ADARB2: variants seen among roughly 807,000 people sequenced by gnomAD.
ADARB2 encodes the protein adenosine deaminase RNA specific B2 (inactive).
In ADARB2, 25 loss-of-function variants were observed where a neutral mutation model predicts 62.2. That is an observed-to-expected ratio of 0.40 (90% CI 0.29 to 0.56). The LOEUF (loss-of-function observed/expected upper bound fraction) is 0.56. ADARB2 is among the 20% of genes least tolerant of loss of function. The pLI is 0.43. For synonymous variants in ADARB2, 572 were observed against 500.8 expected, an observed-to-expected ratio of 1.14 and a Z score of -1.90; for missense variants, 1,071 against 1,077.4, an observed-to-expected ratio of 0.99 and a Z score of 0.08.
rs1589187448 is a variant in ADARB2, at chr10:1,306,954, C to T, written c.1078-35885G>A. ...ATTCAAGATGGATTAAAGACTTAAA[C>T]GTTAGACCTAAAACCATAAAAACCC... On this transcript the variant is annotated intron_variant, in intron 3 of 9. Transcript: ENST00000381312. Among the ~76,000 whole-genome samples, 9 of 130,676 alleles carry T rather than the reference C, an allele frequency of 6.9e-5. No homozygotes were observed. The South Asian group carries it at 2.0e-3, about 29-fold the overall frequency. 85.7% of individuals were successfully genotyped at this position (130,676 alleles called of 152,430 possible). A position where few individuals can be genotyped will look rare whatever the true frequency, so the allele number is the denominator to read the frequency against.
At chr10:1,428,224 C>T (rs1830728259) in intron 1 of ADARB2, among the ~76,000 whole-genome samples, 1 of 151,806 alleles carries the variant, frequency 6.6e-6, no homozygotes, top group South Asian at 2.1e-4. Context: ...CTACCTGCCT[C>T]AGCCTCCCAA....
At position 1,581,756 on chromosome 10, in the gene ADARB2, A is replaced by G. The variant is rs112902665; in HGVS notation, c.100+155295T>C. ...AGAACACACTCAGAGTCACCTGCAC[A>G]TACATAGACATAGTGCATAGAGAGA... is the stretch of plus-strand genomic sequence containing the variant. On this transcript the variant is annotated intron_variant, in intron 1 of 9. Transcript: ENST00000381312. Among the ~76,000 whole-genome samples, 471 of 152,288 alleles carry G rather than the reference A, an allele frequency of 3.1e-3. 2 individuals carry two copies. The highest frequency in any genetic ancestry group is 0.011 in the African/African-American group (458 of 41,556).
intron 6 of ADARB2, among the ~76,000 whole-genome samples, chr10:1,227,897 T>C (rs1252587865): frequency 2.0e-5 from 3 of 152,248 alleles, no homozygotes; most frequent in Admixed American, 2.0e-4. Flanking sequence ...GAAGTTACCA[T>C]GTGTCCACGT....
In ADARB2 at chr10:1,184,980, C is replaced by G; in HGVS notation, c.1924G>C (p.Val642Leu). ...GKSPPFSMNW[V>L]VGSADLEIIN... The stretch of plus-strand genomic sequence containing the variant: ...ATCTCCAGGTCCGCGCTGCCCACGA[C>G]CCAGTTCATGCTGAAGGGGGGCGAC... Residue 642 changes from valine (V) to leucine (L), a missense_variant, in exon 9 of 10, where the codon GTC (valine) becomes CTC (leucine). Coordinates refer to ENST00000381312, the MANE Select transcript of ADARB2 (RefSeq NM_018702.4). 6.2e-7 allele frequency: 1 copy of G among 1,613,792 alleles called. No individual in the cohort carries two copies. The highest frequency in any genetic ancestry group is 8.5e-7 in the Non-Finnish European group (1 of 1,180,020).
chr10:1,669,105 C>A (rs773704011), intron 1 of ADARB2, among the ~76,000 whole-genome samples: 1 of 152,160 alleles, frequency 6.6e-6, no homozygotes, highest in Admixed American at 6.5e-5. Flanking sequence ...CTACTGCCTG[C>A]CTAATGTCAC....
At chr10:1,266,195 G>C (rs1167276420) in intron 4 of ADARB2, among the ~76,000 whole-genome samples, 1 of 152,244 alleles carries the variant, frequency 6.6e-6, no homozygotes, top group Admixed American at 6.5e-5. Flanking sequence ...CCGAGAAGGA[G>C]TGGTGAGAAT....
At chr10:1,345,761 G>A (rs1451036286) in intron 3 of ADARB2, among the ~76,000 whole-genome samples, 2 of 152,166 alleles carry the variant, frequency 1.3e-5, no homozygotes, top group Non-Finnish European at 2.9e-5. Flanking sequence ...TCTATTCTTA[G>A]CATTTGAATT....
Position 1,709,029 on chromosome 10 carries a change from C to T in ADARB2, c.100+28022G>A, listed in dbSNP as rs377348559. 3.7e-4 allele frequency among the ~76,000 whole-genome samples: 57 copies of T among 152,222 alleles called. 1 individual carries two copies. Among genetic ancestry groups the T allele is most frequent in the African/African-American group, 1.3e-3 (53 of 41,524 alleles). On this transcript the variant is annotated intron_variant, in intron 1 of 9. Transcript: ENST00000381312. Reference sequence around the variant, plus strand: ...ATGGAGGGAGGAGGGGAGGTCACGTCGGGTCCTGAGAAACCTTCTCAGCCT... The same window carrying T: ...ATGGAGGGAGGAGGGGAGGTCACGTTGGGTCCTGAGAAACCTTCTCAGCCT...
Position 1,640,661 on chromosome 10 carries a change from C to T in ADARB2, c.100+96390G>A, listed in dbSNP as rs1429532682. Among the ~76,000 whole-genome samples, 45 of 152,188 alleles carry T rather than the reference C, an allele frequency of 3.0e-4. 1 individual carries two copies. Among genetic ancestry groups the T allele is most frequent in the Admixed American group, 2.9e-3 (45 of 15,280 alleles). On this transcript the variant is annotated intron_variant, in intron 1 of 9. Coordinates refer to ENST00000381312, the MANE Select transcript of ADARB2 (RefSeq NM_018702.4). The stretch of plus-strand genomic sequence containing the variant: ...ACACACACACACACAAAAACACACA[C>T]ACAGACACAAAAACATGCACACACA...
chr10:1,588,337 C>G (rs532533820), intron 1 of ADARB2, among the ~76,000 whole-genome samples: 56 of 152,268 alleles, frequency 3.7e-4, no homozygotes, highest in Non-Finnish European at 7.8e-4. Context: ...TTATCTGCAG[C>G]GGGTCCAACA....
At chr10:1,652,731 C>A (rs1834126397) in intron 1 of ADARB2, among the ~76,000 whole-genome samples, 2 of 152,170 alleles carry the variant, frequency 1.3e-5, no homozygotes, top group Non-Finnish European at 2.9e-5. Context: ...TCAGCATCAG[C>A]AAGGAAGGCT....
At position 1,510,110 on chromosome 10, in the gene ADARB2, C is replaced by CCCTT. The variant is rs1831908330; in HGVS notation, c.101-130951_101-130950insAAGG. Among the ~76,000 whole-genome samples the CCCTT allele has an allele frequency of 8.5e-5, 9 of 106,252 alleles. No individual in the cohort carries two copies. In the South Asian group the frequency reaches 3.0e-3, roughly 35 times the overall value. 69.7% of individuals were successfully genotyped at this position (106,252 alleles called of 152,430 possible). On this transcript the variant is annotated intron_variant, in intron 1 of 9. Transcript: ENST00000381312. ...CTCTCTCTCTCTTTTCTTTCTTTCT[C>CCCTT]TCTTTCTTTCTTTCTTTCTTTCTTT...
intron 1 of ADARB2, among the ~76,000 whole-genome samples, chr10:1,652,278 A>G (rs1834120177): frequency 6.6e-6 from 1 of 152,184 alleles, no homozygotes; most frequent in African/African-American, 2.4e-5. Context: ...TGTTCTGCAA[A>G]TGCTCCTGAG....
chr10:1,387,386 A>T (rs1445891073), intron 1 of ADARB2, among the ~76,000 whole-genome samples: 1 of 151,990 alleles, frequency 6.6e-6, no homozygotes, highest in Non-Finnish European at 1.5e-5. Flanking sequence ...AAGGAGAAAA[A>T]AACTTCCATG....
intron 1 of ADARB2, among the ~76,000 whole-genome samples, chr10:1,488,629 A>G (rs960063134): frequency 4.6e-5 from 7 of 152,120 alleles, no homozygotes; most frequent in Non-Finnish European, 1.0e-4. Flanking sequence ...ATAGCCTAAC[A>G]CTGGGGAGAC....
chr10:1,483,455 C>A (rs565461441), intron 1 of ADARB2, among the ~76,000 whole-genome samples: 1 of 152,166 alleles, frequency 6.6e-6, no homozygotes, highest in South Asian at 2.1e-4. Context: ...ACAGTCGTTT[C>A]GTCCTAGCTA....
intron 1 of ADARB2, among the ~76,000 whole-genome samples, chr10:1,441,245 A>C (rs1830903231): frequency 6.6e-6 from 1 of 152,244 alleles, no homozygotes; most frequent in Non-Finnish European, 1.5e-5. Context: ...TATGTCTAGC[A>C]AAATCTTTTA....
At chr10:1,637,795 T>A (rs1478087432) in intron 1 of ADARB2, among the ~76,000 whole-genome samples, 1 of 152,232 alleles carries the variant, frequency 6.6e-6, no homozygotes, top group Non-Finnish European at 1.5e-5. Context: ...CTCCTGTTTA[T>A]GAGCAAAGCA....
At chr10:1,500,907 C>A (rs1831760887) in intron 1 of ADARB2, among the ~76,000 whole-genome samples, 1 of 152,154 alleles carries the variant, frequency 6.6e-6, no homozygotes, top group Non-Finnish European at 1.5e-5. Flanking sequence ...AAGAGTCTTG[C>A]TCTGTCTCCC....
Sources: allele counts gnomAD v4.1 joint callset (sites outside exome capture counted in the v4.1 genomes callset), GRCh38; gene constraint gnomAD v4.1.1; transcripts MANE v1.5; gene names NCBI Gene and HGNC (gene_info 2026-07-23, HGNC 2026-07-21).